Variants in ERC2 observed in about 807,000 individuals in gnomAD.
ERC2 encodes the protein ERC protein 2.
ERC2 carries 42 observed loss-of-function variants against 114.8 expected under a neutral mutation model. The observed-to-expected ratio is 0.37, with a 90% CI of 0.29 to 0.47. The LOEUF (loss-of-function observed/expected upper bound fraction) is 0.47, where lower values mean the gene tolerates loss of function less well. ERC2 is among the 20% of genes least tolerant of loss of function. The pLI is 0.99. For missense variants in ERC2, 939 were observed against 1,150.7 expected (o/e 0.82, Z 2.66); for synonymous variants, 454 against 425.5 (o/e 1.07, Z -0.82).
At chr3:55,817,673 T>G (rs1352453965) in intron 14 of ERC2, among the ~76,000 whole-genome samples, 2 of 152,224 alleles carry the variant, frequency 1.3e-5, no homozygotes, top group Admixed American at 6.5e-5. Context: ...ACCTGCTTTA[T>G]TCACAAGTCA....
At chr3:56,183,439 G>A (rs527601341) in intron 3 of ERC2, among the ~76,000 whole-genome samples, 1 of 152,196 alleles carries the variant, frequency 6.6e-6, no homozygotes, top group African/African-American at 2.4e-5. Context: ...AGAGAGGTTG[G>A]GATAAATATA....
intron 6 of ERC2, among the ~76,000 whole-genome samples, chr3:56,130,783 G>A (rs990173131): frequency 1.3e-5 from 2 of 152,176 alleles, no homozygotes; most frequent in African/African-American, 2.4e-5. Context: ...AGGCCACTCT[G>A]CAAAGTTCAC....
chr3:55,515,636 C>T, intron 17 of ERC2, among the ~76,000 whole-genome samples: 2 of 141,296 alleles, frequency 1.4e-5, no homozygotes, highest in Admixed American at 7.4e-5. Flanking sequence ...AAGCTATTTT[C>T]TTTGTGGGGA....
intron 12 of ERC2, among the ~76,000 whole-genome samples, chr3:55,952,184 C>CTCTG (rs2067618626): frequency 2.4e-5 from 2 of 82,386 alleles, no homozygotes; most frequent in Admixed American, 1.5e-4. Context: ...CACACACTCT[C>CTCTG]TCTCTCTCTC....
At chr3:55,934,795 A>G (rs1211737932) in intron 13 of ERC2, among the ~76,000 whole-genome samples, 1 of 152,262 alleles carries the variant, frequency 6.6e-6, no homozygotes, top group Non-Finnish European at 1.5e-5. Context: ...GTGATTACAA[A>G]TGACTTTGAA....
intron 2 of ERC2, among the ~76,000 whole-genome samples, chr3:56,353,842 G>A (rs2058645041): frequency 1.3e-5 from 2 of 150,826 alleles, no homozygotes; most frequent in Non-Finnish European, 3.0e-5. Flanking sequence ...AATAATAGCT[G>A]TCATGTATTA....
chr3:55,977,721 A>G (rs1387927472), intron 12 of ERC2, among the ~76,000 whole-genome samples: 1 of 152,242 alleles, frequency 6.6e-6, no homozygotes, highest in Non-Finnish European at 1.5e-5. Flanking sequence ...CACATTTAGG[A>G]ATTTATCCTA....
intron 14 of ERC2, among the ~76,000 whole-genome samples, chr3:55,860,437 T>C (rs1472344108): frequency 6.6e-6 from 1 of 152,120 alleles, no homozygotes; most frequent in Non-Finnish European, 1.5e-5. Context: ...TGTTTTTTTC[T>C]CTTTTCTTTT....
intron 4 of ERC2, among the ~76,000 whole-genome samples, chr3:56,152,076 G>A (rs553578471): frequency 1.4e-4 from 21 of 152,138 alleles, no homozygotes; most frequent in African/African-American, 2.4e-4. Context: ...CCTTAGAGAC[G>A]GGGAAAGTGA....
intron 13 of ERC2, among the ~76,000 whole-genome samples, chr3:55,924,558 T>C (rs553363151): frequency 1.3e-5 from 2 of 152,028 alleles, no homozygotes; most frequent in Admixed American, 1.3e-4. Context: ...CCTTCCTCTC[T>C]CCGCAAAAAT....
At chr3:56,290,964 A>G (rs1438621590) in intron 3 of ERC2, among the ~76,000 whole-genome samples, 1 of 152,220 alleles carries the variant, frequency 6.6e-6, no homozygotes, top group Non-Finnish European at 1.5e-5. Flanking sequence ...CAAGATGCCC[A>G]AAAGGATTAA....
chr3:56,429,615 CAT>C (rs1387417325), intron 2 of ERC2, among the ~76,000 whole-genome samples: 2 of 152,218 alleles, frequency 1.3e-5, no homozygotes, highest in Non-Finnish European at 2.9e-5. Context: ...CAAACAAGCA[CAT>C]GATTCTAAAT....
At chr3:56,274,966 T>C (rs2053899499) in intron 3 of ERC2, among the ~76,000 whole-genome samples, 1 of 152,178 alleles carries the variant, frequency 6.6e-6, no homozygotes, top group South Asian at 2.1e-4. Context: ...GTTGCTATAG[T>C]GCAGGAATAA....
At chr3:56,100,648 T>C (rs1385011306) in intron 6 of ERC2, among the ~76,000 whole-genome samples, 1 of 152,212 alleles carries the variant, frequency 6.6e-6, no homozygotes, top group Non-Finnish European at 1.5e-5. Context: ...TATGGCAAAT[T>C]TCATCATATT....
chr3:55,948,341 C>G (rs1457909557), intron 13 of ERC2, among the ~76,000 whole-genome samples: 1 of 152,172 alleles, frequency 6.6e-6, no homozygotes, highest in Non-Finnish European at 1.5e-5. Context: ...CACCAACCAG[C>G]CAAGCTAAAT....
chr3:55,953,969 C>T lies in ERC2; in HGVS notation c.2268-3409G>A, dbSNP rs1295060699. On this transcript the variant is annotated intron_variant, in intron 12 of 17. Transcript: ENST00000288221. The stretch of plus-strand genomic sequence containing the variant: ...CAATCTAGAAGGTAAGGCCCCTGGT[C>T]GTGGAGACTGCAATGCCTTCTTACT... Among the ~76,000 whole-genome samples, 3 of 150,928 alleles carry T rather than the reference C, an allele frequency of 2.0e-5. No individual in the cohort carries two copies. In the Admixed American group the frequency reaches 2.0e-4, roughly 10 times the overall value.
intron 2 of ERC2, among the ~76,000 whole-genome samples, chr3:56,427,889 A>T (rs1428327633): frequency 6.6e-6 from 1 of 151,942 alleles, no homozygotes; most frequent in Non-Finnish European, 1.5e-5. Flanking sequence ...ATACAATTCA[A>T]CCCCCACAAA....
At chr3:55,994,670 A>AAAAAAAAAC (rs2071363759) in intron 10 of ERC2, among the ~76,000 whole-genome samples, 1 of 150,592 alleles carries the variant, frequency 6.6e-6, no homozygotes, top group African/African-American at 2.4e-5. Flanking sequence ...AAAAAAAAAA[A>AAAAAAAAAC]AAGCCTCCCT....
At chr3:56,390,197 C>T (rs1022693774) in intron 2 of ERC2, among the ~76,000 whole-genome samples, 1 of 152,154 alleles carries the variant, frequency 6.6e-6, no homozygotes, top group African/African-American at 2.4e-5. Context: ...ATCAGCTTTT[C>T]CATCCACTAT....
Sources: allele counts gnomAD v4.1 joint callset (sites outside exome capture counted in the v4.1 genomes callset), GRCh38; gene constraint gnomAD v4.1.1; transcripts MANE v1.5; gene names NCBI Gene and HGNC (gene_info 2026-07-23, HGNC 2026-07-21).